The following SLC25A13 variants were observed in gnomAD, a reference collection of about 807,000 sequenced individuals.
SLC25A13 encodes solute carrier family 25 member 13, also known as electrogenic aspartate/glutamate antiporter SLC25A13, mitochondrial.
SLC25A13 carries 70 observed loss-of-function variants against 85.5 expected under a neutral mutation model. The observed-to-expected ratio is 0.82, with a 90% confidence interval of 0.68 to 1.00. The LOEUF (loss-of-function observed/expected upper bound fraction) is 1.00. Among genes scored for constraint, SLC25A13 ranks in the 50% least tolerant of loss-of-function variants. The pLI is 0.00. For missense variants in SLC25A13, 765 were observed against 819.8 expected (o/e 0.93, Z 0.82); for synonymous variants, 259 against 288.7 (o/e 0.90, Z 1.04).
chr7:96,232,842 G>A (rs1796603438), intron 4 of SLC25A13, among the ~76,000 whole-genome samples: 1 of 152,176 alleles, frequency 6.6e-6, no homozygotes, highest in African/African-American at 2.4e-5. Context: ...GGGTTGAAAT[G>A]ACTTGTCCTT....
intron 2 of SLC25A13, among the ~76,000 whole-genome samples, chr7:96,279,262 T>C (rs964180902): frequency 2.3e-4 from 35 of 152,246 alleles, no homozygotes; most frequent in Admixed American, 2.1e-3. Context: ...GATATTTTTA[T>C]ATAATTGAGT....
rs113677751 is a variant in SLC25A13 at position 96,230,352 on chromosome 7, C to G, written c.328+4450G>C. On this transcript the variant is annotated intron_variant, in intron 4 of 17. Coordinates refer to ENST00000265631, the MANE Select transcript of SLC25A13 (RefSeq NM_014251.3). ...CAGTGACTGGGATGAGACCTCTAAA[C>G]TGCTGGTACCATCCTCTTTCTGATC... Among the ~76,000 whole-genome samples the G allele has an allele frequency of 5.3e-5, 8 of 152,336 alleles. 1 individual carries two copies. Among genetic ancestry groups the G allele is most frequent in the African/African-American group, 1.9e-4 (8 of 41,584 alleles).
chr7:96,297,670 G>A (rs1160089731), intron 1 of SLC25A13, among the ~76,000 whole-genome samples: 1 of 152,008 alleles, frequency 6.6e-6, no homozygotes, highest in Non-Finnish European at 1.5e-5. Flanking sequence ...AGTGAACTAG[G>A]GAAATCATAT....
chr7:96,153,591 T>C (rs1232618576), intron 13 of SLC25A13, among the ~76,000 whole-genome samples: 1 of 152,146 alleles, frequency 6.6e-6, no homozygotes, highest in Non-Finnish European at 1.5e-5. Context: ...CAGCGGGTTC[T>C]CTATTAAGAG....
At chr7:96,234,971 G>A (rs1796691590) in intron 3 of SLC25A13, 54 bp from the exon 4 acceptor site, 1 of 1,350,466 alleles carries the variant, frequency 7.4e-7, no homozygotes, top group African/African-American at 1.4e-5. Context: ...GAAAACAGAA[G>A]CATATACAAA....
At chr7:96,166,350 T>C (rs1793740998) in intron 13 of SLC25A13, among the ~76,000 whole-genome samples, 1 of 152,234 alleles carries the variant, frequency 6.6e-6, no homozygotes, top group South Asian at 2.1e-4. Flanking sequence ...CTTTCTCTTG[T>C]TATATAAACA....
intron 5 of SLC25A13, among the ~76,000 whole-genome samples, chr7:96,202,059 T>C (rs1346789336): frequency 6.6e-6 from 1 of 152,050 alleles, no homozygotes; most frequent in African/African-American, 2.4e-5. Context: ...AGAAAAGAAG[T>C]AGGCTGACCT....
At chr7:96,192,684 A>AT (rs5885944) in intron 6 of SLC25A13, among the ~76,000 whole-genome samples, 2,495 of 143,478 alleles carry the variant, frequency 0.017, 73 homozygotes, top group African/African-American at 0.061. Context: ...CATGTGCACT[A>AT]TTTTTTTTTT....
chr7:96,303,606 T>C (rs888367972), intron 1 of SLC25A13, among the ~76,000 whole-genome samples: 41 of 152,208 alleles, frequency 2.7e-4, no homozygotes, highest in African/African-American at 1.2e-4. Context: ...ATGCGGCCTA[T>C]GTGCCATCAA....
intron 5 of SLC25A13, among the ~76,000 whole-genome samples, chr7:96,206,987 C>T (rs910127900): frequency 2.0e-5 from 3 of 152,276 alleles, no homozygotes; most frequent in African/African-American, 7.2e-5. Flanking sequence ...GTCTCAATAA[C>T]ATTATTGTCA....
At chr7:96,153,233 T>TA (rs1299011525) in intron 13 of SLC25A13, among the ~76,000 whole-genome samples, 5 of 152,134 alleles carry the variant, frequency 3.3e-5, no homozygotes, top group Non-Finnish European at 7.4e-5. Flanking sequence ...TTTGGAGATT[T>TA]AAAAAAATCA....
At chr7:96,219,553 G>C (rs915670523) in intron 4 of SLC25A13, 1 of 369,846 alleles carries the variant, frequency 2.7e-6, no homozygotes, top group African/African-American at 2.1e-5. Flanking sequence ...CCTCATCCAT[G>C]AAAGAAAGCC....
intron 5 of SLC25A13, among the ~76,000 whole-genome samples, chr7:96,200,027 C>T (rs1416330421): frequency 6.6e-6 from 1 of 151,824 alleles, no homozygotes; most frequent in East Asian, 1.9e-4. Context: ...CCAAAAAACC[C>T]AGTCCCTCAA....
chr7:96,167,948 A>C (rs1793824150), intron 13 of SLC25A13, among the ~76,000 whole-genome samples: 1 of 151,716 alleles, frequency 6.6e-6, no homozygotes, highest in Non-Finnish European at 1.5e-5. Flanking sequence ...AAATGCAAAA[A>C]AGTTAGCTGG....
At position 96,131,786 on chromosome 7, in the gene SLC25A13, C is replaced by T. The variant is rs750610043; in HGVS notation, c.1548G>A (p.Gly516=). The part of the protein sequence containing the change: ...HVKASFANED[G]QVSPGSLLLA... Reference sequence around the variant, plus strand: ...AGAGCAGGCTTCCTGGGCTAACCTGCCCATCTTCATTTGCAAAGGAAGCCT... The same window carrying T: ...AGAGCAGGCTTCCTGGGCTAACCTGTCCATCTTCATTTGCAAAGGAAGCCT... Residue 516 remains glycine (G), a synonymous_variant, in exon 15 of 18, where the codon GGG becomes GGA. Coordinates refer to ENST00000265631, the MANE Select transcript of SLC25A13 (RefSeq NM_014251.3). 11 of 1,613,932 alleles carry T rather than the reference C, an allele frequency of 6.8e-6. No individual in the cohort carries two copies. Among genetic ancestry groups the T allele is most frequent in the Non-Finnish European group, 9.3e-6 (11 of 1,180,006 alleles).
At chr7:96,225,508 C>T (rs1796298353) in intron 4 of SLC25A13, among the ~76,000 whole-genome samples, 1 of 151,016 alleles carries the variant, frequency 6.6e-6, no homozygotes, top group African/African-American at 2.4e-5. Flanking sequence ...TCACTCCAGC[C>T]TGGGTGACAG....
chr7:96,184,975 G>A lies in SLC25A13; in HGVS notation c.970C>T (p.Gln324Ter), dbSNP rs1012084121. The change falls in exon 10 of 18, where the codon CAA (glutamine) becomes TAA (stop). Residue 324 changes from glutamine (Q) to a stop codon, truncating the protein, a stop_gained. Coordinates refer to ENST00000265631, the MANE Select transcript of SLC25A13 (RefSeq NM_014251.3). LOFTEE classifies it high-confidence loss of function. ...AACCTGTAGGCCGACTCTGCAACTTGTAGAAGAACTGGTCGAGCTGAATCA... is the reference window on the plus strand; with the variant it reads ...AACCTGTAGGCCGACTCTGCAACTTATAGAAGAACTGGTCGAGCTGAATCA... ...SGDSARPVLL[Q>*]VAESAYRFGL... 1.3e-5 allele frequency: 21 copies of A among 1,614,208 alleles called. No individual in the cohort carries two copies. The highest frequency in any genetic ancestry group is 1.8e-5 in the Non-Finnish European group (21 of 1,180,034).
chr7:96,256,955 C>G (rs1011381948), intron 3 of SLC25A13, among the ~76,000 whole-genome samples: 4 of 152,148 alleles, frequency 2.6e-5, no homozygotes, highest in African/African-American at 9.7e-5. Context: ...CAACCTGCTC[C>G]TGAATGACTA....
intron 13 of SLC25A13, chr7:96,169,843 C>T (rs1793925738): frequency 1.7e-6 from 1 of 599,322 alleles, no homozygotes; most frequent in Non-Finnish European, 3.0e-6. Flanking sequence ...CATGACTTAA[C>T]AGGCAGTAAG....
Sources: allele counts gnomAD v4.1 joint callset (sites outside exome capture counted in the v4.1 genomes callset), GRCh38; gene constraint gnomAD v4.1.1; transcripts MANE v1.5; gene names NCBI Gene and HGNC (gene_info 2026-07-23, HGNC 2026-07-21).